The following SLC6A3 variants were observed in gnomAD, a reference collection of about 807,000 sequenced individuals.
The protein encoded by SLC6A3 is sodium-dependent dopamine transporter.
In SLC6A3, 19 loss-of-function variants were observed where a neutral mutation model predicts 70.4. That is an observed-to-expected ratio of 0.27 (90% CI 0.19 to 0.40). The LOEUF (loss-of-function observed/expected upper bound fraction) is 0.40, where lower values mean the gene tolerates loss of function less well. Ranked by LOEUF, SLC6A3 falls within the 10% of genes least tolerant of loss-of-function variation. The probability of loss-of-function intolerance (pLI) is 1.00; values close to 1 mark genes in which losing one functional copy is unlikely to be tolerated. For missense variants in SLC6A3, 613 were observed against 838.5 expected (o/e 0.73, Z 3.32); for synonymous variants, 368 against 356.6 (o/e 1.03, Z -0.36).
chr5:1,425,011 G>A lies in SLC6A3; in HGVS notation c.654-2997C>T, dbSNP rs75854996. On this transcript the variant is annotated intron_variant, in intron 4 of 14. Transcript: ENST00000270349. Reference sequence around the variant, plus strand: ...CAGGCGAGACCATCAAAGGACATCCGGGAAGGGGCATAAGTGCAGGCCTAC... The same window carrying A: ...CAGGCGAGACCATCAAAGGACATCCAGGAAGGGGCATAAGTGCAGGCCTAC... 6.9e-3 allele frequency among the ~76,000 whole-genome samples: 1,055 copies of A among 152,344 alleles called. 6 individuals are homozygous for A. The highest frequency in any genetic ancestry group is 0.012 in the Non-Finnish European group (797 of 68,036).
rs1756113257 is a variant in SLC6A3, at chr5:1,411,182, C to A, written c.1269+61G>T. 5 of 1,181,440 alleles carry A rather than the reference C, an allele frequency of 4.2e-6. No individual in the cohort carries two copies. Among genetic ancestry groups the A allele is most frequent in the Middle Eastern group, 1.9e-4 (1 of 5,288 alleles). 73.2% of individuals were successfully genotyped at this position (1,181,440 alleles called of 1,614,324 possible). A position where few individuals can be genotyped will look rare whatever the true frequency, so the allele number is the denominator to read the frequency against. ...CTTGCCTAGCCCTGGGAGGGCAGGG[C>A]CCCCTCGGGTGGAAGGAACCCAACT... On this transcript the variant is annotated intron_variant, in intron 9 of 14. Coordinates refer to ENST00000270349, the MANE Select transcript of SLC6A3 (RefSeq NM_001044.5). The surrounding 1 kb of genome is among the most constrained non-coding windows in gnomAD (Gnocchi z 6.5).
At chr5:1,410,899 C>T (rs1268559129) in intron 9 of SLC6A3, among the ~76,000 whole-genome samples, 13 of 151,496 alleles carry the variant, frequency 8.6e-5, no homozygotes, top group Non-Finnish European at 1.5e-5. Context: ...CATGCATGTG[C>T]ATGGTGGTGT....
At chr5:1,422,608 C>T (rs1579716105) in intron 4 of SLC6A3, among the ~76,000 whole-genome samples, 1 of 107,034 alleles carries the variant, frequency 9.3e-6, no homozygotes, top group Non-Finnish European at 1.9e-5. Flanking sequence ...CCAGTGCTGC[C>T]CATGGTGCTG....
intron 1 of SLC6A3, among the ~76,000 whole-genome samples, chr5:1,444,395 T>C (rs968913340): frequency 8.0e-5 from 12 of 150,636 alleles, no homozygotes; most frequent in African/African-American, 3.0e-4. Flanking sequence ...CAAACACACA[T>C]ACACACTCAC....
chr5:1,427,266 G>T lies in SLC6A3; in HGVS notation c.653+5198C>A, dbSNP rs577055843. Reference sequence around the variant, plus strand: ...CTATGACAACAATTGCACAAAGGATGTGAGGAAAACAGAAGTCTACTGTTG... The same window carrying T: ...CTATGACAACAATTGCACAAAGGATTTGAGGAAAACAGAAGTCTACTGTTG... On this transcript the variant is annotated intron_variant, in intron 4 of 14. Transcript: ENST00000270349. Among the ~76,000 whole-genome samples, 34 of 152,376 alleles carry T rather than the reference G, an allele frequency of 2.2e-4. No homozygotes were observed. The South Asian group carries it at 7.0e-3, about 32-fold the overall frequency.
chr5:1,426,037 G>A (rs1437916152), intron 4 of SLC6A3, among the ~76,000 whole-genome samples: 1 of 152,270 alleles, frequency 6.6e-6, no homozygotes, highest in South Asian at 2.1e-4. Context: ...TCAAGGATGT[G>A]GGGAAATCAG....
Position 1,401,046 on chromosome 5 carries a change from C to G in SLC6A3, c.1768-60G>C. ...ACCAGTACCCACTGCCAGCACCCAC[C>G]ACTGACTCACACTGCCAGGACCCTC... On this transcript the variant is annotated intron_variant, in intron 13 of 14. Transcript: ENST00000270349. This position sits in a 1 kb window ranked among gnomAD's most constrained non-coding sequence, Gnocchi z 6.1. 2.4e-6 allele frequency: 3 copies of G among 1,237,414 alleles called. No homozygotes were observed. The highest frequency in any genetic ancestry group is 3.5e-6 in the Non-Finnish European group (3 of 858,306). 76.7% of individuals were successfully genotyped at this position (1,237,414 alleles called of 1,614,324 possible).
At chr5:1,420,040 TG>T (rs2126366896) in intron 6 of SLC6A3, among the ~76,000 whole-genome samples, 1 of 152,306 alleles carries the variant, frequency 6.6e-6, no homozygotes, top group Non-Finnish European at 1.5e-5. Context: ...ATACCCCAGC[TG>T]AGATGGCCCT....
At chr5:1,434,164 G>A (rs1293381882) in intron 3 of SLC6A3, among the ~76,000 whole-genome samples, 2 of 152,256 alleles carry the variant, frequency 1.3e-5, no homozygotes, top group African/African-American at 2.4e-5. Flanking sequence ...CACTACCCAT[G>A]CATGACCATC....
In SLC6A3 at chr5:1,442,801, G is replaced by A. The variant is rs1014921393; in HGVS notation, c.286+111C>T. 24 of 1,122,454 alleles carry A rather than the reference G, an allele frequency of 2.1e-5. No individual in the cohort carries two copies. The highest frequency in any genetic ancestry group is 6.8e-5 in the Admixed American group (4 of 59,046). 69.5% of individuals were successfully genotyped at this position (1,122,454 alleles called of 1,614,324 possible). ...GCCGTGAGCTCTCACAGGGAGCTCC[G>A]TCTTCACGCATGGGAACAGCTTCAT... On this transcript the variant is annotated intron_variant, in intron 2 of 14. Coordinates refer to ENST00000270349, the MANE Select transcript of SLC6A3 (RefSeq NM_001044.5). This position sits in a 1 kb window ranked among gnomAD's most constrained non-coding sequence, Gnocchi z 5.0.
chr5:1,441,937 G>A (rs1327976981), intron 2 of SLC6A3, among the ~76,000 whole-genome samples: 1 of 152,092 alleles, frequency 6.6e-6, no homozygotes, highest in Non-Finnish European at 1.5e-5. Flanking sequence ...CCAGCTTCTG[G>A]GGCCCTCAGA....
At chr5:1,395,859 G>A (rs1193725668) in intron 14 of SLC6A3, among the ~76,000 whole-genome samples, 1 of 152,258 alleles carries the variant, frequency 6.6e-6, no homozygotes, top group Non-Finnish European at 1.5e-5. Context: ...GGTCCCCTCT[G>A]GAGGGAGGTG....
chr5:1,424,710 T>C (rs1756539771), intron 4 of SLC6A3, among the ~76,000 whole-genome samples: 1 of 152,216 alleles, frequency 6.6e-6, no homozygotes, highest in African/African-American at 2.4e-5. Flanking sequence ...CAAGGTTGCG[T>C]CCACAGCACA....
chr5:1,426,601 A>C (rs1266050855), intron 4 of SLC6A3, among the ~76,000 whole-genome samples: 1 of 152,234 alleles, frequency 6.6e-6, no homozygotes, highest in East Asian at 1.9e-4. Context: ...ATGGAATTGA[A>C]ATATTATTTG....
chr5:1,394,364 A>T lies in SLC6A3; in HGVS notation c.*371T>A. ...AGCAGGTGCGTCTACAAGGATCGTG[A>T]TCCCCGCCTGAGAACACAGTGCCCC... On this transcript the variant is annotated 3_prime_UTR_variant, in exon 15 of 15. Coordinates refer to ENST00000270349, the MANE Select transcript of SLC6A3 (RefSeq NM_001044.5). This position sits in a 1 kb window ranked among gnomAD's most constrained non-coding sequence, Gnocchi z 4.7. 2.3e-6 allele frequency: 1 copy of T among 432,624 alleles called. No homozygotes were observed. The highest frequency in any genetic ancestry group is 4.3e-6 in the Non-Finnish European group (1 of 234,912). 26.8% of individuals were successfully genotyped at this position (432,624 alleles called of 1,614,324 possible). A position where few individuals can be genotyped will look rare whatever the true frequency, so the allele number is the denominator to read the frequency against.
At chr5:1,431,493 CTGG>C (rs1756702323) in intron 4 of SLC6A3, among the ~76,000 whole-genome samples, 1 of 147,604 alleles carries the variant, frequency 6.8e-6, no homozygotes, top group African/African-American at 2.5e-5. Flanking sequence ...AGGATCAGGC[CTGG>C]CCGGGGTGGA....
chr5:1,436,789 G>C lies in SLC6A3; in HGVS notation c.419-4091C>G, dbSNP rs1385252282. 7.2e-5 allele frequency among the ~76,000 whole-genome samples: 11 copies of C among 152,218 alleles called. No homozygotes were observed. In the East Asian group the frequency reaches 2.1e-3, roughly 29 times the overall value. On this transcript the variant is annotated intron_variant, in intron 3 of 14. Transcript: ENST00000270349. This position sits in a 1 kb window ranked among gnomAD's most constrained non-coding sequence, Gnocchi z 5.2. ...TGCAAATGGTGCTTCGCCCACCAGA[G>C]CACGGCCACCCTGCCCCACCCCTGA... is the stretch of plus-strand genomic sequence containing the variant.
In SLC6A3 at chr5:1,437,522, T is replaced by C. The variant is rs1579725616; in HGVS notation, c.418+3837A>G. Reference sequence around the variant, plus strand: ...AGACGGAGAGTTTTAAAGACCCACCTCTCAGGACCCTGGGGTGCACTGCGG... The same window carrying C: ...AGACGGAGAGTTTTAAAGACCCACCCCTCAGGACCCTGGGGTGCACTGCGG... On this transcript the variant is annotated intron_variant, in intron 3 of 14. Coordinates refer to ENST00000270349, the MANE Select transcript of SLC6A3 (RefSeq NM_001044.5). This position sits in a 1 kb window ranked among gnomAD's most constrained non-coding sequence, Gnocchi z 4.8. Among the ~76,000 whole-genome samples, 1 of 152,112 alleles carries C rather than the reference T, an allele frequency of 6.6e-6. No homozygotes were observed. Among genetic ancestry groups the C allele is most frequent in the East Asian group, 1.9e-4 (1 of 5,154 alleles).
Position 1,405,181 on chromosome 5 carries a change from G to A in SLC6A3, c.1599+1007C>T, listed in dbSNP as rs1413394319. ...TACGTGCAGCCACACCACGCGGCCT[G>A]GAGCTCAGACACGGTGGAATTTCTA... On this transcript the variant is annotated intron_variant, in intron 12 of 14. Transcript: ENST00000270349. This position sits in a 1 kb window ranked among gnomAD's most constrained non-coding sequence, Gnocchi z 5.3. Among the ~76,000 whole-genome samples, 1 of 152,226 alleles carries A rather than the reference G, an allele frequency of 6.6e-6. No individual in the cohort carries two copies. Among genetic ancestry groups the A allele is most frequent in the East Asian group, 1.9e-4 (1 of 5,204 alleles).
Sources: allele counts gnomAD v4.1 joint callset (sites outside exome capture counted in the v4.1 genomes callset), GRCh38; gene constraint gnomAD v4.1.1; non-coding constraint Gnocchi (gnomAD v3.1); transcripts MANE v1.5; gene names NCBI Gene and HGNC (gene_info 2026-07-23, HGNC 2026-07-21).